NAV2: variants seen among roughly 807,000 people sequenced by gnomAD.
NAV2 encodes the protein neuron navigator 2, also known as helicase, APC down-regulated 1.
In NAV2, 54 loss-of-function variants were observed where a neutral mutation model predicts 223.2. That is an observed-to-expected ratio of 0.24 (90% CI 0.19 to 0.30). The LOEUF (loss-of-function observed/expected upper bound fraction) is 0.30, where lower values mean the gene tolerates loss of function less well. NAV2 is among the 10% of genes least tolerant of loss of function. NAV2 has a pLI of 1.00. For missense variants in NAV2, 2,806 were observed against 3,147.5 expected, an observed-to-expected ratio of 0.89 and a Z score of 2.60; for synonymous variants, 1,279 against 1,239.3, an observed-to-expected ratio of 1.03 and a Z score of -0.67.
intron 8 of NAV2, among the ~76,000 whole-genome samples, chr11:19,941,423 A>C (rs182526572): frequency 1.0e-4 from 14 of 137,556 alleles, no homozygotes; most frequent in Non-Finnish European, 2.0e-4. Flanking sequence ...ACTATGTTGA[A>C]TTTTTTTTTA....
chr11:19,896,420 G>A (rs771182347), intron 6 of NAV2, among the ~76,000 whole-genome samples: 1 of 152,136 alleles, frequency 6.6e-6, no homozygotes, highest in Non-Finnish European at 1.5e-5. Context: ...AAATCACACA[G>A]CATTTGTCTT....
chr11:19,782,523 A>C (rs2056822202), intron 1 of NAV2, among the ~76,000 whole-genome samples: 1 of 152,086 alleles, frequency 6.6e-6, no homozygotes, highest in African/African-American at 2.4e-5. Context: ...AGCCAGGGAA[A>C]AAAATTGTTT....
intron 1 of NAV2, among the ~76,000 whole-genome samples, chr11:19,830,899 G>C (rs1455630129): frequency 2.0e-5 from 3 of 152,114 alleles, no homozygotes; most frequent in Admixed American, 6.5e-5. Context: ...TGCTTTACTG[G>C]ATCGTTGGTC....
chr11:19,672,136 C>T (rs899669676), intron 1 of NAV2, among the ~76,000 whole-genome samples: 1 of 152,116 alleles, frequency 6.6e-6, no homozygotes. Context: ...GAGCAGGGAC[C>T]AGCACTACAT....
At chr11:19,533,360 CTGCAGTCAT>C (rs1350072922) in intron 1 of NAV2, among the ~76,000 whole-genome samples, 1 of 152,054 alleles carries the variant, frequency 6.6e-6, no homozygotes, top group African/African-American at 2.4e-5. Context: ...CCAAAAATAT[CTGCAGTCAT>C]TGTGAAATGT....
At chr11:19,782,293 T>G (rs2056810860) in intron 1 of NAV2, among the ~76,000 whole-genome samples, 1 of 152,184 alleles carries the variant, frequency 6.6e-6, no homozygotes, top group African/African-American at 2.4e-5. Flanking sequence ...TGAGGAAGGT[T>G]TTGACTTTGG....
At chr11:19,780,606 A>G (rs1388725822) in intron 1 of NAV2, among the ~76,000 whole-genome samples, 1 of 152,262 alleles carries the variant, frequency 6.6e-6, no homozygotes, top group East Asian at 1.9e-4. Flanking sequence ...GACATGGGCC[A>G]GTTGCTTTAC....
rs552645644 is a variant in NAV2, at chr11:20,046,461, T to G, written c.3902+791T>G. Among the ~76,000 whole-genome samples the G allele has an allele frequency of 1.5e-4, 23 of 152,276 alleles. No individual in the cohort carries two copies. In the East Asian group the frequency reaches 4.1e-3, roughly 27 times the overall value. ...TTTCTTGTGTTAATAATTCTTCAGC[T>G]GAGCTTCCTCATTATGGCAGGCAGT... On this transcript the variant is annotated intron_variant, in intron 14 of 37. Transcript: ENST00000349880.
chr11:19,467,014 C>CACACACACACACAG (rs1852383403), intron 1 of NAV2, among the ~76,000 whole-genome samples: 3 of 139,040 alleles, frequency 2.2e-5, no homozygotes, highest in African/African-American at 8.2e-5. Flanking sequence ...CACACACACA[C>CACACACACACACAG]ACACAGAGAG....
intron 1 of NAV2, among the ~76,000 whole-genome samples, chr11:19,495,796 AAAAT>A (rs1237999476): frequency 6.6e-6 from 1 of 152,168 alleles, no homozygotes; most frequent in East Asian, 1.9e-4. Flanking sequence ...CTTGTAGAAA[AAAAT>A]AAATCAGAGA....
At chr11:19,900,008 G>A (rs943902866) in intron 6 of NAV2, among the ~76,000 whole-genome samples, 7 of 152,130 alleles carry the variant, frequency 4.6e-5, no homozygotes, top group African/African-American at 1.2e-4. Context: ...CTTAGGTGTC[G>A]GTTGGTTAGA....
chr11:19,955,688 A>T (rs1808914), intron 10 of NAV2, among the ~76,000 whole-genome samples: 138,149 of 152,202 alleles, frequency 0.91, 62,792 homozygotes, highest in East Asian at 0.98. Context: ...CAAATGTGTG[A>T]GGTATTTCTC....
At chr11:19,463,921 G>A (rs1422068998) in intron 1 of NAV2, among the ~76,000 whole-genome samples, 1 of 152,174 alleles carries the variant, frequency 6.6e-6, no homozygotes, top group African/African-American at 2.4e-5. Flanking sequence ...ATGCCCCAGG[G>A]AGCAGGCAGG....
intron 1 of NAV2, among the ~76,000 whole-genome samples, chr11:19,648,904 G>T (rs147810482): frequency 6.6e-6 from 1 of 152,150 alleles, no homozygotes; most frequent in African/African-American, 2.4e-5. Context: ...ATATTTTGAT[G>T]TATTTCCTAC....
At chr11:19,509,429 G>A (rs1458617041) in intron 1 of NAV2, among the ~76,000 whole-genome samples, 1 of 152,192 alleles carries the variant, frequency 6.6e-6, no homozygotes, top group East Asian at 1.9e-4. Context: ...GGGTGTGTGT[G>A]TCCTGTGCAC....
chr11:19,977,971 ATTTTGTTTTT>A (rs1376526938), intron 10 of NAV2, among the ~76,000 whole-genome samples: 7 of 102,902 alleles, frequency 6.8e-5, no homozygotes, highest in African/African-American at 2.0e-4. Flanking sequence ...CGCCCAGCTC[ATTTTGTTTTT>A]TTTTGTTTTT....
At chr11:19,836,167 C>T (rs992028816) in intron 2 of NAV2, among the ~76,000 whole-genome samples, 11 of 152,204 alleles carry the variant, frequency 7.2e-5, no homozygotes, top group Non-Finnish European at 1.6e-4. Context: ...ACATTTAGTA[C>T]TCCACTAAAC....
Position 19,998,705 on chromosome 11 carries a change from C to G in NAV2, c.2768+14458C>G, listed in dbSNP as rs11025352. Reference sequence around the variant, plus strand: ...TGTCCCCTCTGCATAGACTGTGCTTCCCCCCCTCTCTCCTTTTCTCCTTAT... The same window carrying G: ...TGTCCCCTCTGCATAGACTGTGCTTGCCCCCCTCTCTCCTTTTCTCCTTAT... On this transcript the variant is annotated intron_variant, in intron 11 of 37. Coordinates refer to ENST00000349880, the MANE Select transcript of NAV2 (RefSeq NM_145117.5). This position sits in a 1 kb window ranked among gnomAD's most constrained non-coding sequence, Gnocchi z 5.0. Among the ~76,000 whole-genome samples the G allele has an allele frequency of 0.26, 25,098 of 95,006 alleles. 2,496 individuals are homozygous for G. The highest frequency in any genetic ancestry group is 0.44 in the South Asian group (1,506 of 3,422). 62.3% of individuals were successfully genotyped at this position (95,006 alleles called of 152,430 possible).
At chr11:19,875,256 C>A (rs1288659571) in intron 4 of NAV2, among the ~76,000 whole-genome samples, 2 of 152,292 alleles carry the variant, frequency 1.3e-5, no homozygotes, top group African/African-American at 4.8e-5. Context: ...AAAATAAATG[C>A]ATTTAATACA....
Sources: gnomAD v4.1 joint callset for allele counts (sites outside exome capture counted in the v4.1 genomes callset) on GRCh38, gnomAD v4.1.1 for gene constraint, Gnocchi (gnomAD v3.1) non-coding constraint, MANE v1.5 for transcripts, NCBI Gene and HGNC (gene_info 2026-07-23, HGNC 2026-07-21) for gene names.